KCNJ3: variants seen among roughly 807,000 people sequenced by gnomAD.
The protein encoded by KCNJ3 is potassium inwardly rectifying channel subfamily J member 3, also known as G protein-activated inward rectifier potassium channel 1.
A neutral mutation model predicts 39.2 loss-of-function variants in KCNJ3; 4 were observed. That is an observed-to-expected ratio of 0.10 (90% CI 0.05 to 0.23). The LOEUF (loss-of-function observed/expected upper bound fraction) is 0.23, where lower values mean the gene tolerates loss of function less well. KCNJ3 is among the 10% of genes least tolerant of loss of function. The pLI is 1.00. For missense variants in KCNJ3, 276 were observed against 634.9 expected (o/e 0.43, Z 6.08); for synonymous variants, 230 against 237.4 (o/e 0.97, Z 0.29).
At chr2:154,740,523 C>G (rs1305464866) in intron 2 of KCNJ3, among the ~76,000 whole-genome samples, 1 of 151,924 alleles carries the variant, frequency 6.6e-6, no homozygotes, top group Non-Finnish European at 1.5e-5. Flanking sequence ...TCTGATGTCA[C>G]GCCCTAGATG....
chr2:154,735,292 T>A (rs930413312), intron 2 of KCNJ3, among the ~76,000 whole-genome samples: 3 of 151,670 alleles, frequency 2.0e-5, no homozygotes, highest in African/African-American at 7.3e-5. Flanking sequence ...TTTTTTGTAT[T>A]TTTAGTAGAG....
intron 2 of KCNJ3, among the ~76,000 whole-genome samples, chr2:154,770,071 A>C (rs1044737687): frequency 3.3e-5 from 5 of 152,226 alleles, no homozygotes; most frequent in African/African-American, 1.2e-4. Context: ...ATTAAGTTTC[A>C]GAATGAGTTG....
At chr2:154,843,374 T>C (rs1281359270) in intron 2 of KCNJ3, among the ~76,000 whole-genome samples, 1 of 152,216 alleles carries the variant, frequency 6.6e-6, no homozygotes, top group Non-Finnish European at 1.5e-5. Context: ...TTAACACTTT[T>C]TCCTTCATTT....
intron 2 of KCNJ3, among the ~76,000 whole-genome samples, chr2:154,849,194 C>T (rs1203118520): frequency 6.6e-6 from 1 of 152,122 alleles, no homozygotes; most frequent in African/African-American, 2.4e-5. Context: ...ATAACAGTCT[C>T]TTCCTCGAAG....
At chr2:154,822,902 T>G (rs1016698662) in intron 2 of KCNJ3, among the ~76,000 whole-genome samples, 2 of 151,762 alleles carry the variant, frequency 1.3e-5, no homozygotes, top group Admixed American at 1.3e-4. Flanking sequence ...ATTTGTTAAA[T>G]TTGGCATTGG....
At chr2:154,849,508 C>T (rs1183384634) in intron 2 of KCNJ3, among the ~76,000 whole-genome samples, 2 of 152,048 alleles carry the variant, frequency 1.3e-5, no homozygotes, top group African/African-American at 2.4e-5. Flanking sequence ...CCCCAATCTC[C>T]CGCAAACACA....
At chr2:154,804,512 G>A (rs191794038) in intron 2 of KCNJ3, among the ~76,000 whole-genome samples, 1 of 152,186 alleles carries the variant, frequency 6.6e-6, no homozygotes, top group East Asian at 1.9e-4. Context: ...ATAGTCAGGT[G>A]AGTAAAAATG....
chr2:154,847,860 G>A (rs1687686477), intron 2 of KCNJ3, among the ~76,000 whole-genome samples: 2 of 152,052 alleles, frequency 1.3e-5, no homozygotes, highest in African/African-American at 4.8e-5. Flanking sequence ...TTGATGTTAG[G>A]TGCATCTGGC....
intron 2 of KCNJ3, among the ~76,000 whole-genome samples, chr2:154,727,406 A>G (rs1389505630): frequency 1.3e-5 from 2 of 151,054 alleles, no homozygotes; most frequent in East Asian, 2.0e-4. Flanking sequence ...ACCAACATGG[A>G]GAAACCCCGT....
intron 2 of KCNJ3, among the ~76,000 whole-genome samples, chr2:154,771,034 C>T (rs1686233134): frequency 6.6e-6 from 1 of 151,690 alleles, no homozygotes; most frequent in African/African-American, 2.4e-5. Context: ...GGATTACAGG[C>T]ACACACCACC....
intron 2 of KCNJ3, among the ~76,000 whole-genome samples, chr2:154,751,389 G>T (rs1211593187): frequency 2.6e-5 from 4 of 151,724 alleles, no homozygotes; most frequent in African/African-American, 4.8e-5. Context: ...TTTGAACCAG[G>T]ATATTTAGTA....
chr2:154,815,881 T>G (rs188853495), intron 2 of KCNJ3, among the ~76,000 whole-genome samples: 1 of 152,306 alleles, frequency 6.6e-6, no homozygotes, highest in Non-Finnish European at 1.5e-5. Flanking sequence ...ATTTCCATGG[T>G]TTTCCTTGTT....
intron 2 of KCNJ3, among the ~76,000 whole-genome samples, chr2:154,753,766 A>G (rs940549676): frequency 1.2e-4 from 19 of 152,300 alleles, no homozygotes; most frequent in African/African-American, 4.1e-4. Flanking sequence ...AAGACATTCA[A>G]ATAATTATAC....
chr2:154,761,502 T>C (rs1686045977), intron 2 of KCNJ3, among the ~76,000 whole-genome samples: 1 of 152,208 alleles, frequency 6.6e-6, no homozygotes, highest in South Asian at 2.1e-4. Context: ...GTGATGCTGA[T>C]TAGAATTTAA....
intron 2 of KCNJ3, among the ~76,000 whole-genome samples, chr2:154,728,531 G>GAATTT (rs1434944044): frequency 8.5e-5 from 13 of 152,160 alleles, no homozygotes; most frequent in African/African-American, 3.1e-4. Flanking sequence ...AATTTATGTG[G>GAATTT]TTGATTCCTG....
chr2:154,802,583 C>A (rs1054939790), intron 2 of KCNJ3, among the ~76,000 whole-genome samples: 21 of 152,006 alleles, frequency 1.4e-4, no homozygotes, highest in Non-Finnish European at 3.1e-4. Context: ...ATCAACTGTG[C>A]CTTTGCATGA....
intron 2 of KCNJ3, among the ~76,000 whole-genome samples, chr2:154,838,369 G>A (rs1687505547): frequency 6.6e-6 from 1 of 152,176 alleles, no homozygotes; most frequent in Admixed American, 6.5e-5. Context: ...GAGGACCTGA[G>A]TGTGTATTTT....
chr2:154,843,915 T>C (rs536925600), intron 2 of KCNJ3, among the ~76,000 whole-genome samples: 11 of 152,194 alleles, frequency 7.2e-5, no homozygotes, highest in Non-Finnish European at 1.0e-4. Context: ...AGAAGTTTGT[T>C]ATTACCGGCC....
intron 2 of KCNJ3, among the ~76,000 whole-genome samples, chr2:154,779,348 C>A (rs533055223): frequency 2.6e-5 from 4 of 151,128 alleles, no homozygotes; most frequent in Non-Finnish European, 4.4e-5. Flanking sequence ...ATACTGGCTT[C>A]TCTAACATGA....
Sources: allele counts gnomAD v4.1 joint callset (sites outside exome capture counted in the v4.1 genomes callset), GRCh38; gene constraint gnomAD v4.1.1; transcripts MANE v1.5; gene names NCBI Gene and HGNC (gene_info 2026-07-23, HGNC 2026-07-21).